Variants in ODAD2 observed in about 807,000 individuals in gnomAD.
ODAD2 encodes outer dynein arm docking complex subunit 2.
In ODAD2, 89 loss-of-function variants were observed where a neutral mutation model predicts 106.8. The observed-to-expected ratio is 0.83, with a 90% CI of 0.70 to 0.99. ODAD2 has a LOEUF of 0.99. Ranked by LOEUF, ODAD2 falls within the 50% of genes least tolerant of loss-of-function variation. The probability of loss-of-function intolerance (pLI) is 0.00; values close to 1 mark genes in which losing one functional copy is unlikely to be tolerated. For synonymous variants in ODAD2, 404 were observed against 436.2 expected (o/e 0.93, Z 0.92); for missense variants, 1,168 against 1,238.5 (o/e 0.94, Z 0.85).
rs56390356 is a variant in ODAD2, at chr10:27,973,212, A to AATACATACATACATACATAC, written c.937-1919_937-1900dup. 4.5e-4 allele frequency among the ~76,000 whole-genome samples: 67 copies of AATACATACATACATACATAC among 148,350 alleles called. 1 individual carries two copies. Among genetic ancestry groups the AATACATACATACATACATAC allele is most frequent in the African/African-American group, 1.3e-3 (51 of 40,082 alleles). On this transcript the variant is annotated intron_variant, in intron 7 of 19. Transcript: ENST00000305242. Reference sequence around the variant, plus strand: ...CAGCATGAACTCTCATGGTCAAAATAATACATACATACATACATACATACA... The same window carrying AATACATACATACATACATAC: ...CAGCATGAACTCTCATGGTCAAAATAATACATACATACATACATACATACATACATACATACATACATACA...
chr10:27,995,659 T>A (rs1850516995), intron 1 of ODAD2: 1 of 153,594 alleles, frequency 6.5e-6, no homozygotes, highest in Non-Finnish European at 1.4e-5. Context: ...AGTGACAATA[T>A]CTGCATCATC....
Position 27,944,706 on chromosome 10 carries a change from C to T in ODAD2, c.1533+110G>A, listed in dbSNP as rs1382291690. ...ATCAGCAGGTCATCAGCAATAATAG[C>T]AGATAAAGACAAGAACCAGGCAACG... On this transcript the variant is annotated intron_variant, in intron 11 of 19. Coordinates refer to ENST00000305242, the MANE Select transcript of ODAD2 (RefSeq NM_018076.5). The T allele has an allele frequency of 2.3e-6, 3 of 1,304,342 alleles. No individual in the cohort carries two copies. The African/African-American group carries it at 4.4e-5, about 19-fold the overall frequency. 80.8% of individuals were successfully genotyped at this position (1,304,342 alleles called of 1,614,324 possible). A position where few individuals can be genotyped will look rare whatever the true frequency, so the allele number is the denominator to read the frequency against.
intron 17 of ODAD2, among the ~76,000 whole-genome samples, chr10:27,866,857 A>T (rs903152069): frequency 2.0e-4 from 31 of 151,914 alleles, no homozygotes; most frequent in African/African-American, 7.3e-4. Flanking sequence ...ATTAGACCCC[A>T]CTCCAACACT....
chr10:27,926,831 A>C (rs1238637612), intron 16 of ODAD2, among the ~76,000 whole-genome samples: 1 of 152,144 alleles, frequency 6.6e-6, no homozygotes, highest in Non-Finnish European at 1.5e-5. Context: ...CATAAATGTT[A>C]ATGGTTTTTT....
Position 27,944,450 on chromosome 10 carries a change from G to C in ODAD2, c.1534-19C>G, listed in dbSNP as rs375614529. On this transcript the variant is annotated intron_variant, in intron 11 of 19. Transcript: ENST00000305242. The stretch of plus-strand genomic sequence containing the variant: ...AACCAATCTGTGTGAGAAAAAAAAA[G>C]ATGAGTGGCGAATATGTAACCCGTG... The C allele has an allele frequency of 1.1e-3, 1,706 of 1,579,844 alleles. 2 individuals are homozygous for C. The highest frequency in any genetic ancestry group is 1.2e-3 in the Non-Finnish European group (1,389 of 1,149,274).
chr10:27,843,295 C>T (rs963282102), intron 19 of ODAD2, among the ~76,000 whole-genome samples: 2 of 152,214 alleles, frequency 1.3e-5, no homozygotes, highest in Admixed American at 6.5e-5. Context: ...TAGAAAAGAT[C>T]GAGCTGAATC....
At chr10:27,823,703 A>G (rs539651653) in intron 19 of ODAD2, among the ~76,000 whole-genome samples, 1 of 152,326 alleles carries the variant, frequency 6.6e-6, no homozygotes, top group South Asian at 2.1e-4. Context: ...TTTCTCTGCT[A>G]CAGTTCCTGT....
chr10:27,936,299 T>A (rs759865443), intron 15 of ODAD2, among the ~76,000 whole-genome samples: 1 of 152,244 alleles, frequency 6.6e-6, no homozygotes, highest in Non-Finnish European at 1.5e-5. Flanking sequence ...ATGACCACTC[T>A]TTAAAGAGTA....
intron 10 of ODAD2, among the ~76,000 whole-genome samples, chr10:27,952,918 A>C (rs1847461212): frequency 2.0e-5 from 3 of 152,072 alleles, no homozygotes; most frequent in African/African-American, 7.2e-5. Flanking sequence ...TTTTTGTTTA[A>C]ATTGAAAATT....
At chr10:27,960,190 G>T (rs542297672) in intron 10 of ODAD2, among the ~76,000 whole-genome samples, 8 of 151,734 alleles carry the variant, frequency 5.3e-5, no homozygotes, top group Admixed American at 5.2e-4. Context: ...TTTTCATTTT[G>T]CATTGATGTT....
chr10:27,860,940 C>G (rs1589846672), intron 18 of ODAD2, 94 bp from the exon 19 acceptor site: 1 of 1,066,788 alleles, frequency 9.4e-7, no homozygotes, highest in Non-Finnish European at 1.4e-6. Context: ...CATTAAGACA[C>G]CAATGAGTCT....
chr10:27,931,893 T>C (rs1469170528), intron 16 of ODAD2, among the ~76,000 whole-genome samples: 1 of 151,730 alleles, frequency 6.6e-6, no homozygotes, highest in Non-Finnish European at 1.5e-5. Flanking sequence ...ACAATGGGGT[T>C]ATGTCCCGAT....
At chr10:27,871,026 GA>G (rs1840834444) in intron 17 of ODAD2, among the ~76,000 whole-genome samples, 1 of 152,174 alleles carries the variant, frequency 6.6e-6, no homozygotes, top group African/African-American at 2.4e-5. Flanking sequence ...GTTGTTTCCT[GA>G]CTTTTTAATG....
At position 27,987,433 on chromosome 10, in the gene ODAD2, AG is replaced by A. The variant is rs1175750984; in HGVS notation, c.334del (p.Ile113LeufsTer7). 6.2e-7 allele frequency: 1 copy of A among 1,613,696 alleles called. No individual in the cohort carries two copies. Among genetic ancestry groups the A allele is most frequent in the Non-Finnish European group, 8.5e-7 (1 of 1,179,850 alleles). ...RSFGQLSRLL[L>X]IAKTGKLKEA... ...CTTCAACTTCCCAGTTTTGGCAATA[AG>A]TAACAAGCGTGACAGCTGCCCAAAG... On this transcript the variant is annotated frameshift_variant, in exon 3 of 20. Coordinates refer to ENST00000305242, the MANE Select transcript of ODAD2 (RefSeq NM_018076.5). LOFTEE classifies it high-confidence loss of function.
At chr10:27,970,250 A>G (rs975855861) in intron 8 of ODAD2, among the ~76,000 whole-genome samples, 1 of 152,128 alleles carries the variant, frequency 6.6e-6, no homozygotes, top group Non-Finnish European at 1.5e-5. Context: ...CTTGTTTTGT[A>G]TATTTCATAC....
intron 18 of ODAD2, among the ~76,000 whole-genome samples, 178 bp from the exon 19 acceptor site, chr10:27,861,024 C>T (rs1019224361): frequency 6.6e-6 from 1 of 152,162 alleles, no homozygotes; most frequent in African/African-American, 2.4e-5. Flanking sequence ...TGGAGTCTCA[C>T]TCTGTTGCCC....
At chr10:27,901,952 G>A (rs1325321696) in intron 17 of ODAD2, among the ~76,000 whole-genome samples, 6 of 151,838 alleles carry the variant, frequency 4.0e-5, no homozygotes, top group South Asian at 2.1e-4. Flanking sequence ...TGGAACAAGC[G>A]AACCTAATAG....
chr10:27,955,594 G>A (rs1305815840), intron 10 of ODAD2, among the ~76,000 whole-genome samples: 2 of 151,934 alleles, frequency 1.3e-5, no homozygotes, highest in Admixed American at 6.6e-5. Flanking sequence ...AATGGGAAAG[G>A]AATTTAATTA....
chr10:27,833,436 G>A (rs987691248), intron 19 of ODAD2, among the ~76,000 whole-genome samples: 4 of 151,982 alleles, frequency 2.6e-5, no homozygotes, highest in African/African-American at 9.7e-5. Context: ...ATACAGCATT[G>A]GAAATAAAAT....
Sources: allele counts gnomAD v4.1 joint callset (sites outside exome capture counted in the v4.1 genomes callset), GRCh38; gene constraint gnomAD v4.1.1; transcripts MANE v1.5; gene names NCBI Gene and HGNC (gene_info 2026-07-23, HGNC 2026-07-21).